The following CEP112 variants were observed in gnomAD, a reference collection of about 807,000 sequenced individuals.
CEP112 encodes centrosomal protein 112, also known as centrosomal protein of 112 kDa.
A neutral mutation model predicts 153.0 loss-of-function variants in CEP112; 127 were observed. The observed-to-expected ratio is 0.83, with a 90% CI of 0.72 to 0.96. The LOEUF (loss-of-function observed/expected upper bound fraction) is 0.96, where lower values mean the gene tolerates loss of function less well. CEP112 is among the 40% of genes least tolerant of loss of function. The pLI is 0.00. For synonymous variants in CEP112, 358 were observed against 374.4 expected, an observed-to-expected ratio of 0.96 and a Z score of 0.51; for missense variants, 1,089 against 1,101.2, an observed-to-expected ratio of 0.99 and a Z score of 0.16.
chr17:65,709,613 G>A (rs1916966796), intron 23 of CEP112, among the ~76,000 whole-genome samples: 1 of 152,184 alleles, frequency 6.6e-6, no homozygotes, highest in African/African-American at 2.4e-5. Context: ...AATTCAAGAT[G>A]AGATTTGGGC....
intron 10 of CEP112, among the ~76,000 whole-genome samples, chr17:66,065,837 G>T (rs2067096700): frequency 6.6e-6 from 1 of 151,960 alleles, no homozygotes; most frequent in African/African-American, 2.4e-5. Context: ...CACTGTGTTA[G>T]CCAGGACGGT....
At chr17:66,107,292 G>A (rs1343113529) in intron 6 of CEP112, among the ~76,000 whole-genome samples, 2 of 152,000 alleles carry the variant, frequency 1.3e-5, no homozygotes, top group African/African-American at 4.8e-5. Context: ...GTCCTAGCTA[G>A]AGCAATCAGA....
chr17:65,697,309 C>T (rs2048405951), intron 23 of CEP112, among the ~76,000 whole-genome samples: 1 of 152,156 alleles, frequency 6.6e-6, no homozygotes, highest in Non-Finnish European at 1.5e-5. Context: ...CTCATTTAAA[C>T]CTTAATTGCC....
chr17:65,986,576 A>C (rs2063414938), intron 17 of CEP112, among the ~76,000 whole-genome samples: 2 of 152,348 alleles, frequency 1.3e-5, no homozygotes, highest in South Asian at 4.1e-4. Flanking sequence ...TTGGTGTACT[A>C]TATGTAGGGA....
intron 19 of CEP112, among the ~76,000 whole-genome samples, chr17:65,908,108 AGGCT>A (rs1432986190): frequency 6.6e-6 from 1 of 152,216 alleles, no homozygotes; most frequent in Non-Finnish European, 1.5e-5. Context: ...TGCTTAATTA[AGGCT>A]GGCTAAGGAG....
At chr17:65,649,243 T>C (rs568923908) in intron 24 of CEP112, among the ~76,000 whole-genome samples, 1 of 152,318 alleles carries the variant, frequency 6.6e-6, no homozygotes, top group African/African-American at 2.4e-5. Context: ...AGGCCTCAAA[T>C]GCAAGTTATT....
chr17:66,088,389 G>A (rs1047120210), intron 8 of CEP112, among the ~76,000 whole-genome samples: 7 of 152,214 alleles, frequency 4.6e-5, no homozygotes, highest in South Asian at 4.2e-4. Flanking sequence ...GGCTGGCCCC[G>A]ACAACTTCAG....
At chr17:65,989,079 T>TA (rs1056725793) in intron 17 of CEP112, among the ~76,000 whole-genome samples, 47 of 148,400 alleles carry the variant, frequency 3.2e-4, no homozygotes, top group African/African-American at 1.1e-3. Context: ...ACAAAAAAAT[T>TA]AAAAAAAAAG....
chr17:66,086,935 G>C (rs968838549), intron 8 of CEP112, among the ~76,000 whole-genome samples: 3 of 151,644 alleles, frequency 2.0e-5, no homozygotes, highest in Non-Finnish European at 4.4e-5. Flanking sequence ...TTTTACACAG[G>C]GGCAAATCAG....
intron 16 of CEP112, among the ~76,000 whole-genome samples, chr17:66,008,190 A>G (rs188488582): frequency 4.2e-4 from 64 of 152,300 alleles, no homozygotes; most frequent in Middle Eastern, 6.8e-3. Context: ...ATATGTATAC[A>G]TTGTAGAAAT....
chr17:66,183,171 C>T (rs1375063714), intron 2 of CEP112, 23 bp downstream of exon 2: 2 of 1,445,864 alleles, frequency 1.4e-6, no homozygotes, highest in Non-Finnish European at 1.9e-6. Flanking sequence ...TCTTAAGAAT[C>T]TAATCTTCAA....
chr17:66,029,779 C>T, intron 13 of CEP112, 90 bp downstream of exon 13: 1 of 1,081,378 alleles, frequency 9.2e-7, no homozygotes, highest in Non-Finnish European at 1.3e-6. Context: ...GCTAAACGCA[C>T]AAGGTGTAAT....
intron 21 of CEP112, among the ~76,000 whole-genome samples, chr17:65,793,485 CT>C (rs1228946515): frequency 2.0e-5 from 3 of 152,156 alleles, no homozygotes; most frequent in African/African-American, 7.2e-5. Flanking sequence ...GCATGTACCC[CT>C]GAACTTAAAA....
intron 23 of CEP112, among the ~76,000 whole-genome samples, chr17:65,711,414 G>GACATGAGGATTATT (rs1165319827): frequency 6.6e-6 from 1 of 152,114 alleles, no homozygotes; most frequent in Non-Finnish European, 1.5e-5. Context: ...TCATATGGTG[G>GACATGAGGATTATT]ACATGAGGAT....
At chr17:66,113,195 C>T (rs752010180) in intron 6 of CEP112, among the ~76,000 whole-genome samples, 1 of 115,566 alleles carries the variant, frequency 8.7e-6, no homozygotes, top group Non-Finnish European at 1.8e-5. Flanking sequence ...TAAATATGTA[C>T]CAGCTGAAGG....
chr17:66,078,438 A>G (rs9906738), intron 8 of CEP112, among the ~76,000 whole-genome samples: 7,324 of 151,686 alleles, frequency 0.048, 230 homozygotes, highest in African/African-American at 0.07. Flanking sequence ...TTGTATTTTT[A>G]GTAGAGACGG....
chr17:65,960,772 T>C (rs762377224), intron 18 of CEP112, among the ~76,000 whole-genome samples: 1 of 152,150 alleles, frequency 6.6e-6, no homozygotes, highest in African/African-American at 2.4e-5. Context: ...AACCCACAGA[T>C]ACAAAAACAC....
intron 4 of CEP112, among the ~76,000 whole-genome samples, chr17:66,167,744 T>C (rs930019815): frequency 1.3e-5 from 2 of 152,230 alleles, no homozygotes; most frequent in Admixed American, 6.5e-5. Context: ...ATTCCAATAT[T>C]GGATCCATCA....
intron 20 of CEP112, among the ~76,000 whole-genome samples, chr17:65,863,515 C>T (rs2058375490): frequency 6.6e-6 from 1 of 152,010 alleles, no homozygotes; most frequent in South Asian, 2.1e-4. Flanking sequence ...CGCCTGTAAT[C>T]CCAGCACTTT....
Sources: allele counts gnomAD v4.1 joint callset (sites outside exome capture counted in the v4.1 genomes callset), GRCh38; gene constraint gnomAD v4.1.1; transcripts MANE v1.5; gene names NCBI Gene and HGNC (gene_info 2026-07-23, HGNC 2026-07-21).